RNF144A: variants seen among roughly 807,000 people sequenced by gnomAD.
The protein encoded by RNF144A is ring finger protein 144A.
In RNF144A, 11 loss-of-function variants were observed where a neutral mutation model predicts 38.7. That is an observed-to-expected ratio of 0.28 (90% CI 0.18 to 0.47). The LOEUF (loss-of-function observed/expected upper bound fraction) is 0.47, where lower values mean the gene tolerates loss of function less well. Among genes scored for constraint, RNF144A ranks in the 20% least tolerant of loss-of-function variants. RNF144A has a pLI of 0.99. For synonymous variants in RNF144A, 149 were observed against 143.9 expected (o/e 1.04, Z -0.25); for missense variants, 316 against 377.2 (o/e 0.84, Z 1.34).
At chr2:7,008,639 C>G (rs1349325514) in intron 3 of RNF144A, among the ~76,000 whole-genome samples, 3 of 152,196 alleles carry the variant, frequency 2.0e-5, no homozygotes, top group African/African-American at 4.8e-5. Flanking sequence ...CCTGAGCACA[C>G]CCCTTCTGGT....
chr2:6,983,953 C>T (rs1271333307), intron 2 of RNF144A, among the ~76,000 whole-genome samples: 1 of 152,192 alleles, frequency 6.6e-6, no homozygotes, highest in Non-Finnish European at 1.5e-5. Context: ...AAAGTATATC[C>T]AGAATGTGAC....
chr2:6,948,287 C>A (rs1014424308), intron 2 of RNF144A, among the ~76,000 whole-genome samples: 1 of 152,142 alleles, frequency 6.6e-6, no homozygotes, highest in Non-Finnish European at 1.5e-5. Flanking sequence ...GAAGAGACAG[C>A]CTTAGAGGAG....
chr2:7,035,957 TGTTAAA>T (rs1021225924), intron 8 of RNF144A, among the ~76,000 whole-genome samples: 27 of 152,214 alleles, frequency 1.8e-4, no homozygotes, highest in African/African-American at 6.5e-4. Context: ...CAGAGTCTCC[TGTTAAA>T]GTAAATGAGC....
At chr2:7,010,945 T>C (rs58262938) in intron 3 of RNF144A, among the ~76,000 whole-genome samples, 7 of 152,218 alleles carry the variant, frequency 4.6e-5, no homozygotes, top group African/African-American at 1.7e-4. Flanking sequence ...CGGGTCTCAA[T>C]AGCATTTGCA....
chr2:7,008,710 G>A (rs1214742801), intron 3 of RNF144A, among the ~76,000 whole-genome samples: 1 of 152,174 alleles, frequency 6.6e-6, no homozygotes, highest in South Asian at 2.1e-4. Context: ...CACTGGAAGG[G>A]GCGGTCTCTT....
At chr2:6,949,371 GT>G (rs1189810280) in intron 2 of RNF144A, among the ~76,000 whole-genome samples, 10 of 150,356 alleles carry the variant, frequency 6.7e-5, no homozygotes, top group African/African-American at 2.4e-4. Context: ...GCATTTCACA[GT>G]TCCCTCCCCT....
chr2:7,008,079 A>T (rs914644810), intron 3 of RNF144A, among the ~76,000 whole-genome samples: 1 of 152,086 alleles, frequency 6.6e-6, no homozygotes, highest in Non-Finnish European at 1.5e-5. Context: ...GGGGGAGGAA[A>T]AGCCCAGTGG....
the RNF144A span, chr2:7,074,528 T>C: frequency 6.6e-6 from 1 of 152,346 alleles, no homozygotes; most frequent in African/African-American, 2.4e-5. Context: ...GTCAATAATT[T>C]GTTGTAGTTG....
intron 2 of RNF144A, among the ~76,000 whole-genome samples, chr2:6,967,103 C>T (rs764533078): frequency 1.7e-4 from 26 of 152,158 alleles, no homozygotes; most frequent in Non-Finnish European, 2.4e-4. Flanking sequence ...TGATGTTCTC[C>T]CTTTCCGTGA....
intron 1 of RNF144A, among the ~76,000 whole-genome samples, chr2:6,930,784 G>A (rs1340092861): frequency 6.6e-6 from 1 of 151,942 alleles, no homozygotes; most frequent in Non-Finnish European, 1.5e-5. Flanking sequence ...TGTAGAGGGG[G>A]GGATTTGCCA....
At chr2:6,927,326 A>G (rs932431707) in intron 1 of RNF144A, among the ~76,000 whole-genome samples, 6 of 152,186 alleles carry the variant, frequency 3.9e-5, no homozygotes, top group Non-Finnish European at 8.8e-5. Flanking sequence ...TAATACTTTA[A>G]TCACTCCTGG....
chr2:6,965,279 C>T (rs549090664), intron 2 of RNF144A, among the ~76,000 whole-genome samples: 2 of 152,278 alleles, frequency 1.3e-5, no homozygotes, highest in African/African-American at 4.8e-5. Context: ...ACGATCTCAG[C>T]TCATGAGGAG....
chr2:6,966,952 C>G (rs1667703250), intron 2 of RNF144A, among the ~76,000 whole-genome samples: 1 of 152,174 alleles, frequency 6.6e-6, no homozygotes, highest in East Asian at 1.9e-4. Context: ...CCTGTACAGA[C>G]TTCTTTTCCC....
intron 2 of RNF144A, among the ~76,000 whole-genome samples, chr2:6,983,484 A>G (rs1028769442): frequency 6.6e-6 from 1 of 152,162 alleles, no homozygotes; most frequent in African/African-American, 2.4e-5. Flanking sequence ...ATGGAGCCCA[A>G]ATCACTAGTC....
At position 6,944,473 on chromosome 2, in the gene RNF144A, C is replaced by T. The variant is rs369274568; in HGVS notation, c.-12+3326C>T. On this transcript the variant is annotated intron_variant, in intron 2 of 8. Coordinates refer to ENST00000320892, the MANE Select transcript of RNF144A (RefSeq NM_014746.6). The surrounding 1 kb of genome is among the most constrained non-coding windows in gnomAD (Gnocchi z 4.7). The stretch of plus-strand genomic sequence containing the variant: ...TGCTAAGGTGTCACGGTTGCATTTC[C>T]TGGCTGGGGCACTGTGGCCCAGATG... Among the ~76,000 whole-genome samples, 12 of 152,266 alleles carry T rather than the reference C, an allele frequency of 7.9e-5. No homozygotes were observed. The East Asian group carries it at 1.5e-3, about 20-fold the overall frequency.
intron 2 of RNF144A, among the ~76,000 whole-genome samples, chr2:6,965,031 A>G (rs2103336359): frequency 6.6e-6 from 1 of 152,332 alleles, no homozygotes; most frequent in Middle Eastern, 3.4e-3. Context: ...CAAGGAGTTT[A>G]GGTATACAAG....
At chr2:6,959,685 A>C (rs545071075) in intron 2 of RNF144A, among the ~76,000 whole-genome samples, 1 of 152,006 alleles carries the variant, frequency 6.6e-6, no homozygotes, top group Non-Finnish European at 1.5e-5. Flanking sequence ...TAGCTGTTCT[A>C]CTCCTATGAT....
chr2:7,063,530 C>G (rs1356535234), intron 6 of RNF144A, among the ~76,000 whole-genome samples: 2 of 151,954 alleles, frequency 1.3e-5, no homozygotes, highest in African/African-American at 4.8e-5. Context: ...AATTTTAGAG[C>G]CGTTGTGCTA....
intron 6 of RNF144A, among the ~76,000 whole-genome samples, chr2:7,056,704 C>T (rs1346983289): frequency 1.3e-5 from 2 of 152,196 alleles, no homozygotes; most frequent in African/African-American, 4.8e-5. Flanking sequence ...ATCCCCACTA[C>T]ACATTTTGTT....
Sources: allele counts gnomAD v4.1 joint callset (sites outside exome capture counted in the v4.1 genomes callset), GRCh38; gene constraint gnomAD v4.1.1; non-coding constraint Gnocchi (gnomAD v3.1); transcripts MANE v1.5; gene names NCBI Gene and HGNC (gene_info 2026-07-23, HGNC 2026-07-21).